TMEM63C: variants seen among roughly 807,000 people sequenced by gnomAD.
TMEM63C encodes the protein osmosensitive cation channel TMEM63C.
A neutral mutation model predicts 99.2 loss-of-function variants in TMEM63C; 32 were observed. The observed-to-expected ratio is 0.32, with a 90% CI of 0.24 to 0.43. The LOEUF is 0.43. TMEM63C is among the 20% of genes least tolerant of loss of function. The pLI, the probability that TMEM63C is intolerant of heterozygous loss-of-function variation, is 1.00. For synonymous variants in TMEM63C, 376 were observed against 397.9 expected, an observed-to-expected ratio of 0.94 and a Z score of 0.66; for missense variants, 826 against 1,053.0, an observed-to-expected ratio of 0.78 and a Z score of 2.98.
intron 8 of TMEM63C, among the ~76,000 whole-genome samples, chr14:77,236,368 T>G (rs1321821684): frequency 1.5e-4 from 1 of 6,554 alleles, no homozygotes; most frequent in Admixed American, 2.6e-3. Flanking sequence ...GTGGGGGGTA[T>G]GGGCAGACTG....
At chr14:77,249,195 C>T in intron 20 of TMEM63C, 96 bp from the exon 21 acceptor site, 1 of 1,314,038 alleles carries the variant, frequency 7.6e-7, no homozygotes, top group Non-Finnish European at 1.1e-6. Flanking sequence ...ACTCTGACAG[C>T]CGTGGATCTG....
At chr14:77,200,893 A>ACACAGGTG (rs940712468) in intron 1 of TMEM63C, 3 of 151,722 alleles carry the variant, frequency 2.0e-5, no homozygotes, top group Non-Finnish European at 4.4e-5. Context: ...TGATGTGAGG[A>ACACAGGTG]CACAGGTGCT....
At chr14:77,208,351 C>T (rs1237003116) in intron 1 of TMEM63C, among the ~76,000 whole-genome samples, 3 of 152,184 alleles carry the variant, frequency 2.0e-5, no homozygotes, top group African/African-American at 7.2e-5. Flanking sequence ...GATGAGAAAA[C>T]TGCTGCAGCT....
chr14:77,250,470 C>T (rs1171709454), intron 21 of TMEM63C, among the ~76,000 whole-genome samples: 2 of 149,672 alleles, frequency 1.3e-5, no homozygotes, highest in Admixed American at 1.3e-4. Flanking sequence ...GACGGAGTCT[C>T]GCTCTGTCGC....
chr14:77,231,522 C>T (rs573896869), intron 6 of TMEM63C, 66 bp from the exon 7 acceptor site: 7 of 1,532,544 alleles, frequency 4.6e-6, no homozygotes, highest in South Asian at 1.2e-5. Flanking sequence ...TTCCCTCTAC[C>T]TCCCCGCAAC....
intron 12 of TMEM63C, among the ~76,000 whole-genome samples, chr14:77,240,167 T>G (rs1267991362): frequency 6.6e-6 from 1 of 152,164 alleles, no homozygotes; most frequent in African/African-American, 2.4e-5. Flanking sequence ...GCCCAGAGAT[T>G]CACCCTCTCT....
intron 6 of TMEM63C, among the ~76,000 whole-genome samples, chr14:77,225,861 G>T (rs547866426): frequency 4.0e-4 from 61 of 152,196 alleles, no homozygotes; most frequent in Non-Finnish European, 1.0e-4. Flanking sequence ...TCGGGCAGAA[G>T]GGCAGGCCTC....
At chr14:77,232,218 A>C (rs1159199920) in intron 7 of TMEM63C, among the ~76,000 whole-genome samples, 2 of 152,184 alleles carry the variant, frequency 1.3e-5, no homozygotes, top group Non-Finnish European at 2.9e-5. Flanking sequence ...CACAATGTTT[A>C]CCCACACCTG....
In TMEM63C at chr14:77,242,357, G is replaced by T; in HGVS notation, c.1075G>T (p.Asp359Tyr). The T allele has an allele frequency of 6.2e-7, 1 of 1,611,896 alleles. No homozygotes were observed. The highest frequency in any genetic ancestry group is 8.5e-7 in the Non-Finnish European group (1 of 1,178,664). ...CTCCCCTCTCTGCAGTGTCCGTAAGGATTACAAGTATGTCCAGTGTGGTGT... is the reference window on the plus strand; with the variant it reads ...CTCCCCTCTCTGCAGTGTCCGTAAGTATTACAAGTATGTCCAGTGTGGTGT... ...DSRMAKRVRK[D>Y]YKYVQCGVQP... is the part of the protein sequence containing the mutation. Residue 359 changes from aspartate to tyrosine, a missense_variant, in exon 14 of 24, where the codon GAT becomes TAT. Physicochemically the swap from Asp to Tyr is radical, Grantham distance 160 (BLOSUM62 -3). Coordinates refer to ENST00000298351, the MANE Select transcript of TMEM63C (RefSeq NM_020431.4).
chr14:77,250,841 T>C (rs1189338046), intron 21 of TMEM63C, among the ~76,000 whole-genome samples: 2 of 152,178 alleles, frequency 1.3e-5, no homozygotes, highest in African/African-American at 4.8e-5. Flanking sequence ...AATGCTTTTT[T>C]TCTAAGAATA....
chr14:77,219,087 G>A (rs1029720428), intron 3 of TMEM63C, 124 bp downstream of exon 3: 3 of 1,175,040 alleles, frequency 2.6e-6, no homozygotes, highest in Non-Finnish European at 3.4e-6. Flanking sequence ...CAAACTGCCT[G>A]AATGTCAGTC....
chr14:77,204,173 A>T (rs1337250861), intron 1 of TMEM63C, among the ~76,000 whole-genome samples: 4 of 152,244 alleles, frequency 2.6e-5, no homozygotes, highest in African/African-American at 9.6e-5. Context: ...CTCAGGGTCA[A>T]ACTGGATCCC....
At position 77,256,542 on chromosome 14, in the gene TMEM63C, T is replaced by C; in HGVS notation, c.2237T>C (p.Val746Ala). ...CCCAAGCAGCTGTATGTGGCCACCG[T>C]GCTGCAAGAACCGGAGTTGAATCTG... ...TPTSLLYVATVLQEPELNLTP... is the reference protein window; with the variant it reads ...TPTSLLYVATALQEPELNLTP... Residue 746 changes from valine to alanine, a missense_variant, in exon 24 of 24, where the codon GTG (valine) becomes GCG (alanine). Physicochemically the swap from Val to Ala is moderately conservative, Grantham distance 64 (BLOSUM62 0). Coordinates refer to ENST00000298351, the MANE Select transcript of TMEM63C (RefSeq NM_020431.4). The C allele has an allele frequency of 6.2e-7, 1 of 1,613,976 alleles. No homozygotes were observed.
intron 8 of TMEM63C, among the ~76,000 whole-genome samples, chr14:77,234,420 G>A (rs751042933): frequency 3.9e-5 from 6 of 152,158 alleles, no homozygotes; most frequent in Admixed American, 6.5e-5. Flanking sequence ...GCTCCTTCCC[G>A]AGGCCCATTG....
intron 7 of TMEM63C, among the ~76,000 whole-genome samples, chr14:77,233,053 A>G (rs186734772): frequency 1.3e-5 from 2 of 152,182 alleles, no homozygotes; most frequent in Non-Finnish European, 1.5e-5. Context: ...ACTAATGCAC[A>G]TAGCCAGAAG....
intron 21 of TMEM63C, among the ~76,000 whole-genome samples, chr14:77,251,388 T>A (rs1889357621): frequency 6.6e-6 from 1 of 152,176 alleles, no homozygotes; most frequent in Non-Finnish European, 1.5e-5. Context: ...GTGCCATCGG[T>A]GCAGATAACT....
At chr14:77,243,870 G>A (rs1889224353) in intron 15 of TMEM63C, among the ~76,000 whole-genome samples, 1 of 151,922 alleles carries the variant, frequency 6.6e-6, no homozygotes, top group South Asian at 2.1e-4. Flanking sequence ...CAGTCAACAT[G>A]TGTGCATGCA....
At chr14:77,192,212 A>G (rs1026785285) in intron 1 of TMEM63C, among the ~76,000 whole-genome samples, 1 of 152,210 alleles carries the variant, frequency 6.6e-6, no homozygotes, top group Non-Finnish European at 1.5e-5. Context: ...TGTGGGTAGC[A>G]TAGATTAGTT....
At position 77,240,483 on chromosome 14, in the gene TMEM63C, A is replaced by G. The variant is rs1359603900; in HGVS notation, c.939A>G (p.Ala313=). 6.2e-7 allele frequency: 1 copy of G among 1,609,724 alleles called. No individual in the cohort carries two copies. Among genetic ancestry groups the G allele is most frequent in the African/African-American group, 1.3e-5 (1 of 74,924 alleles). ...GCTGCCTGCCACCCCAGGTGGATGC[A>G]GAGCAGTATTACAGCGAGCTAGAGG... ...KCWTCFKEVD[A]EQYYSELEEQ... The change falls in exon 13 of 24, where the codon GCA becomes GCG. Residue 313 remains alanine (A), a synonymous_variant. Coordinates refer to ENST00000298351, the MANE Select transcript of TMEM63C (RefSeq NM_020431.4).
Sources: allele counts gnomAD v4.1 joint callset (sites outside exome capture counted in the v4.1 genomes callset), GRCh38; gene constraint gnomAD v4.1.1; transcripts MANE v1.5; gene names NCBI Gene and HGNC (gene_info 2026-07-23, HGNC 2026-07-21).